YIPF4: variants seen among roughly 807,000 people sequenced by gnomAD.
YIPF4 encodes protein YIPF4.
Under a neutral mutation model 29.4 loss-of-function variants are expected in YIPF4, and 18 were observed. The ratio of observed to expected loss-of-function variants is 0.61; its 90% CI spans 0.42 to 0.91. The LOEUF (loss-of-function observed/expected upper bound fraction) is 0.91. Among genes scored for constraint, YIPF4 ranks in the 40% least tolerant of loss-of-function variants. The probability of loss-of-function intolerance (pLI) is 0.00; values close to 1 mark genes in which losing one functional copy is unlikely to be tolerated. For synonymous variants in YIPF4, 115 were observed against 104.7 expected, an observed-to-expected ratio of 1.10 and a Z score of -0.60; for missense variants, 279 against 282.7, an observed-to-expected ratio of 0.99 and a Z score of 0.09.
rs192021925 is a variant in YIPF4 at position 32,299,962 on chromosome 2, G to A, written c.484-1420G>A. On this transcript the variant is annotated intron_variant, in intron 4 of 5. Transcript: ENST00000238831. Reference sequence around the variant, plus strand: ...AGCCTGGCCAGTGTGGTGAAACCCCGTCTCTACTAAAAATACAAAAATTGC... The same window carrying A: ...AGCCTGGCCAGTGTGGTGAAACCCCATCTCTACTAAAAATACAAAAATTGC... Among the ~76,000 whole-genome samples the A allele has an allele frequency of 3.2e-3, 484 of 151,802 alleles. 1 individual carries two copies. The highest frequency in any genetic ancestry group is 0.011 in the African/African-American group (457 of 41,414).
intron 3 of YIPF4, among the ~76,000 whole-genome samples, chr2:32,292,642 C>T (rs1402327668): frequency 6.6e-6 from 1 of 151,842 alleles, no homozygotes; most frequent in Non-Finnish European, 1.5e-5. Context: ...GTGGGTGGAT[C>T]ACGGGGTCAG....
Position 32,306,154 on chromosome 2 carries a change from T to A in YIPF4, c.*528T>A. Reference sequence around the variant, plus strand: ...ATGCACAAACTTTTTAATTTGGCCATTAATCTTTTTTATTTAAAAATTTAA... The same window carrying A: ...ATGCACAAACTTTTTAATTTGGCCAATAATCTTTTTTATTTAAAAATTTAA... On this transcript the variant is annotated 3_prime_UTR_variant, in exon 6 of 6. Coordinates refer to ENST00000238831, the MANE Select transcript of YIPF4 (RefSeq NM_032312.4). The A allele has an allele frequency of 1.2e-6, 1 of 803,988 alleles. No individual in the cohort carries two copies. Among genetic ancestry groups the A allele is most frequent in the Non-Finnish European group, 1.5e-6 (1 of 664,636 alleles). The allele number at this position is 803,988 out of a possible 1,614,324, so 49.8% of individuals were successfully genotyped here.
intron 2 of YIPF4, among the ~76,000 whole-genome samples, chr2:32,291,814 G>C (rs2030931132): frequency 6.6e-6 from 1 of 152,156 alleles, no homozygotes; most frequent in African/African-American, 2.4e-5. Context: ...GTTCTCATAT[G>C]GGTTTGCAAT....
intron 3 of YIPF4, among the ~76,000 whole-genome samples, chr2:32,294,873 C>T (rs1047193694): frequency 7.2e-4 from 109 of 152,306 alleles, no homozygotes; most frequent in African/African-American, 2.3e-3. Flanking sequence ...GAGACCAGCC[C>T]GGCCAACACA....
At chr2:32,293,844 T>C (rs1268694652) in intron 3 of YIPF4, among the ~76,000 whole-genome samples, 1 of 135,174 alleles carries the variant, frequency 7.4e-6, no homozygotes, top group Non-Finnish European at 1.6e-5. Context: ...GGCGGGGGGC[T>C]GACCCCCCCA....
chr2:32,288,088 T>G (rs1183633505), intron 1 of YIPF4, among the ~76,000 whole-genome samples: 1 of 152,206 alleles, frequency 6.6e-6, no homozygotes, highest in Non-Finnish European at 1.5e-5. Flanking sequence ...CTTGTTAACT[T>G]GATAACATGT....
chr2:32,278,605 G>A (rs1558471401), intron 1 of YIPF4, among the ~76,000 whole-genome samples: 1 of 152,088 alleles, frequency 6.6e-6, no homozygotes, highest in Non-Finnish European at 1.5e-5. Flanking sequence ...CTCAAAGAAT[G>A]AGAAAAAGGA....
Position 32,307,191 on chromosome 2 carries a change from G to A in YIPF4, c.*1565G>A, listed in dbSNP as rs756968071. Reference sequence around the variant, plus strand: ...ATCTATGCCTACAGAAGCAGCAACCGTAAGATAAACATTTGTTACACTTAA... The same window carrying A: ...ATCTATGCCTACAGAAGCAGCAACCATAAGATAAACATTTGTTACACTTAA... On this transcript the variant is annotated 3_prime_UTR_variant, in exon 6 of 6. Coordinates refer to ENST00000238831, the MANE Select transcript of YIPF4 (RefSeq NM_032312.4). 14 of 1,227,182 alleles carry A rather than the reference G, an allele frequency of 1.1e-5. No homozygotes were observed. Among genetic ancestry groups the A allele is most frequent in the Admixed American group, 5.9e-5 (2 of 33,734 alleles). 76.0% of individuals were successfully genotyped at this position (1,227,182 alleles called of 1,614,324 possible).
chr2:32,282,851 C>T (rs551365410), intron 1 of YIPF4, among the ~76,000 whole-genome samples: 19 of 151,878 alleles, frequency 1.3e-4, no homozygotes, highest in Admixed American at 1.0e-3. Context: ...CCGAGGTGGG[C>T]GGATCACGAG....
chr2:32,300,809 T>C (rs1452429455), intron 4 of YIPF4, among the ~76,000 whole-genome samples: 1 of 152,218 alleles, frequency 6.6e-6, no homozygotes, highest in Non-Finnish European at 1.5e-5. Context: ...TGTTTCTCTC[T>C]AAGAATCGAT....
chr2:32,296,329 G>C (rs1324912748), intron 3 of YIPF4, among the ~76,000 whole-genome samples: 1 of 151,994 alleles, frequency 6.6e-6, no homozygotes, highest in Non-Finnish European at 1.5e-5. Flanking sequence ...AAAATTAGCT[G>C]AGCGTGGTAG....
chr2:32,292,288 T>C lies in YIPF4; in HGVS notation c.345T>C (p.Phe115=), dbSNP rs992565075. The change falls in exon 3 of 6, where the codon TTT becomes TTC. Residue 115 remains phenylalanine, a synonymous_variant. Transcript: ENST00000238831. ...AAGTGGTGAGAGACAATCCTGACTT[T>C]TGGGGTCCTCTGGCTGTTGTTCTTT... ...NRQVVRDNPD[F]WGPLAVVLFF... 3 of 1,606,198 alleles carry C rather than the reference T, an allele frequency of 1.9e-6. No individual in the cohort carries two copies. The highest frequency in any genetic ancestry group is 2.7e-5 in the African/African-American group (2 of 74,780).
At chr2:32,293,585 C>T (rs1445761781) in intron 3 of YIPF4, among the ~76,000 whole-genome samples, 1 of 152,234 alleles carries the variant, frequency 6.6e-6, no homozygotes, top group Non-Finnish European at 1.5e-5. Context: ...CATCGTGGCC[C>T]GTTCTCAATG....
At chr2:32,289,046 A>C (rs934841221) in intron 1 of YIPF4, among the ~76,000 whole-genome samples, 1 of 152,208 alleles carries the variant, frequency 6.6e-6, no homozygotes, top group African/African-American at 2.4e-5. Flanking sequence ...AACTTAGACA[A>C]AGAAGTAGCA....
In YIPF4 at chr2:32,307,170, A is replaced by T. The variant is rs1269108990; in HGVS notation, c.*1544A>T. The T allele has an allele frequency of 4.7e-6, 6 of 1,285,406 alleles. No homozygotes were observed. In the African/African-American group the frequency reaches 7.7e-5, roughly 17 times the overall value. 79.6% of individuals were successfully genotyped at this position (1,285,406 alleles called of 1,614,324 possible). ...AATATGAAGTAATCAGGAAATATCTATGCCTACAGAAGCAGCAACCGTAAG... is the reference window on the plus strand; with the variant it reads ...AATATGAAGTAATCAGGAAATATCTTTGCCTACAGAAGCAGCAACCGTAAG... On this transcript the variant is annotated 3_prime_UTR_variant, in exon 6 of 6. Coordinates refer to ENST00000238831, the MANE Select transcript of YIPF4 (RefSeq NM_032312.4).
chr2:32,287,445 A>G (rs553873363), intron 1 of YIPF4, among the ~76,000 whole-genome samples: 1 of 152,300 alleles, frequency 6.6e-6, no homozygotes, highest in East Asian at 1.9e-4. Flanking sequence ...TGCTTATTAA[A>G]TAAGGAAAAG....
chr2:32,284,295 T>G (rs1044616631), intron 1 of YIPF4, among the ~76,000 whole-genome samples: 4 of 152,162 alleles, frequency 2.6e-5, no homozygotes, highest in Non-Finnish European at 4.4e-5. Flanking sequence ...TGAAAGGAAC[T>G]TACATAGTCT....
chr2:32,298,804 C>G (rs2031289277), intron 4 of YIPF4, among the ~76,000 whole-genome samples: 2 of 152,050 alleles, frequency 1.3e-5, no homozygotes, highest in African/African-American at 4.8e-5. Flanking sequence ...AGCGATCTGC[C>G]TGTTTAGCCT....
intron 4 of YIPF4, among the ~76,000 whole-genome samples, chr2:32,299,079 T>C (rs1363149148): frequency 6.6e-6 from 1 of 152,098 alleles, no homozygotes; most frequent in Admixed American, 6.6e-5. Flanking sequence ...AGTTTCACCA[T>C]GTTGGTCAAG....
Sources: gnomAD v4.1 joint callset for allele counts (sites outside exome capture counted in the v4.1 genomes callset) on GRCh38, gnomAD v4.1.1 for gene constraint, MANE v1.5 for transcripts, NCBI Gene and HGNC (gene_info 2026-07-23, HGNC 2026-07-21) for gene names.